Variants in NSD3 observed in about 807,000 individuals in gnomAD.
NSD3 encodes histone-lysine N-methyltransferase NSD3.
NSD3 carries 24 observed loss-of-function variants against 160.8 expected under a neutral mutation model. The observed-to-expected ratio is 0.15, with a 90% CI of 0.11 to 0.21. The LOEUF is 0.21. NSD3 is among the 10% of genes least tolerant of loss of function. The pLI, the probability that NSD3 is intolerant of heterozygous loss-of-function variation, is 1.00. For synonymous variants in NSD3, 520 were observed against 600.0 expected (o/e 0.87, Z 1.95); for missense variants, 1,157 against 1,735.9 (o/e 0.67, Z 5.93).
intron 3 of NSD3, 30 bp downstream of exon 3, chr8:38,338,506 G>C: frequency 6.4e-7 from 1 of 1,559,604 alleles, no homozygotes; most frequent in Non-Finnish European, 8.8e-7. Context: ...CACCATATTT[G>C]GTTAGACAGT....
At position 38,317,642 on chromosome 8, in the gene NSD3, G is replaced by A; in HGVS notation, c.1855+1253C>T. 1.7e-6 allele frequency: 2 copies of A among 1,192,288 alleles called. No homozygotes were observed. The highest frequency in any genetic ancestry group is 4.6e-5 in the South Asian group (2 of 43,330). The allele number at this position is 1,192,288 out of a possible 1,614,324, so 73.9% of individuals were successfully genotyped here. On this transcript the variant is annotated intron_variant, in intron 9 of 23. Transcript: ENST00000317025. This position sits in a 1 kb window ranked among gnomAD's most constrained non-coding sequence, Gnocchi z 5.3. Reference sequence around the variant, plus strand: ...CAAACCCCTGCAGATGTGCATTAATGATGCTTTATTTAAAAACAAAAAACC... The same window carrying A: ...CAAACCCCTGCAGATGTGCATTAATAATGCTTTATTTAAAAACAAAAAACC...
chr8:38,380,401 T>C (rs1811507321), intron 1 of NSD3, among the ~76,000 whole-genome samples: 1 of 152,172 alleles, frequency 6.6e-6, no homozygotes, highest in Non-Finnish European at 1.5e-5. Context: ...CCAAGTAAAA[T>C]AACCGATGCA....
At chr8:38,314,249 A>G (rs1809604260) in intron 12 of NSD3, among the ~76,000 whole-genome samples, 1 of 152,240 alleles carries the variant, frequency 6.6e-6, no homozygotes, top group Admixed American at 6.5e-5. Context: ...AATGATTTCC[A>G]GTAGCTCCAA....
intron 4 of NSD3, among the ~76,000 whole-genome samples, chr8:38,333,231 A>G (rs1427474021): frequency 6.6e-6 from 1 of 152,218 alleles, no homozygotes; most frequent in Non-Finnish European, 1.5e-5. Context: ...AGATAACACA[A>G]TTTCATTTTA....
At chr8:38,311,452 G>A (rs958448931) in intron 12 of NSD3, among the ~76,000 whole-genome samples, 72 of 151,982 alleles carry the variant, frequency 4.7e-4, no homozygotes, top group African/African-American at 1.7e-3. Flanking sequence ...TCAGCTTCCC[G>A]AGTAGCTGGA....
Position 38,316,957 on chromosome 8 carries a change from G to C in NSD3, c.1856-915C>G, listed in dbSNP as rs1443198707. The C allele has an allele frequency of 9.4e-7, 1 of 1,060,904 alleles. No homozygotes were observed. Among genetic ancestry groups the C allele is most frequent in the Non-Finnish European group, 1.1e-6 (1 of 876,440 alleles). The allele number at this position is 1,060,904 out of a possible 1,614,324, so 65.7% of individuals were successfully genotyped here. On this transcript the variant is annotated intron_variant, in intron 9 of 23. Transcript: ENST00000317025. This position sits in a 1 kb window ranked among gnomAD's most constrained non-coding sequence, Gnocchi z 4.5. ...CAGATCAGGCACGGTGAATACCAAG[G>C]AACCAAGGAGACGGTTAATATTTCA...
chr8:38,345,745 G>GAAA (rs773179138), intron 2 of NSD3, among the ~76,000 whole-genome samples: 1 of 136,716 alleles, frequency 7.3e-6, no homozygotes. Flanking sequence ...GTCTCTACTT[G>GAAA]AAAAAAAAAA....
intron 7 of NSD3, among the ~76,000 whole-genome samples, chr8:38,323,772 G>A (rs995855004): frequency 4.6e-5 from 6 of 131,854 alleles, no homozygotes; most frequent in African/African-American, 1.7e-4. Flanking sequence ...AGGTTACAGT[G>A]AACTAAGATC....
chr8:38,284,279 A>G (rs1808805166), intron 19 of NSD3, among the ~76,000 whole-genome samples: 1 of 152,252 alleles, frequency 6.6e-6, no homozygotes, highest in Admixed American at 6.5e-5. Context: ...GGACTTTGTT[A>G]TCAGCTGATG....
intron 5 of NSD3, among the ~76,000 whole-genome samples, chr8:38,330,360 G>T (rs886421703): frequency 6.6e-6 from 1 of 152,156 alleles, no homozygotes; most frequent in Admixed American, 6.5e-5. Context: ...CACAATGCAT[G>T]CAGGGACAGA....
At position 38,275,601 on chromosome 8, in the gene NSD3, G is replaced by A; in HGVS notation, c.*40C>T. 6.4e-7 allele frequency: 1 copy of A among 1,559,102 alleles called. No individual in the cohort carries two copies. Among genetic ancestry groups the A allele is most frequent in the African/African-American group, 1.4e-5 (1 of 73,638 alleles). On this transcript the variant is annotated 3_prime_UTR_variant, in exon 24 of 24. Coordinates refer to ENST00000317025, the MANE Select transcript of NSD3 (RefSeq NM_023034.2). ...TTCTTTTTAAATGCATGATCTATTT[G>A]CTTTTTTCACTTAAATAGAAAGGAG...
intron 1 of NSD3, among the ~76,000 whole-genome samples, chr8:38,372,881 T>C (rs1470674945): frequency 2.1e-5 from 3 of 144,954 alleles, no homozygotes; most frequent in Non-Finnish European, 3.0e-5. Context: ...CGAAACCCAG[T>C]CTCTACTAAA....
At chr8:38,372,678 G>A (rs1440105445) in intron 1 of NSD3, among the ~76,000 whole-genome samples, 3 of 150,676 alleles carry the variant, frequency 2.0e-5, no homozygotes, top group Non-Finnish European at 3.0e-5. Flanking sequence ...TGTAGTTTTA[G>A]TAGAGACGGG....
At chr8:38,307,128 AT>A (rs199569279) in intron 12 of NSD3, among the ~76,000 whole-genome samples, 5,887 of 142,186 alleles carry the variant, frequency 0.041, 147 homozygotes, top group Middle Eastern at 0.055. Context: ...AAAAAAAAAA[AT>A]AAAATAAAAT....
At chr8:38,323,862 G>A (rs1287953139) in intron 7 of NSD3, among the ~76,000 whole-genome samples, 8 of 150,766 alleles carry the variant, frequency 5.3e-5, no homozygotes, top group African/African-American at 7.3e-5. Context: ...ACTTTCAGAG[G>A]AGAAAGAAAA....
At chr8:38,344,140 G>A (rs1331036043) in intron 2 of NSD3, among the ~76,000 whole-genome samples, 2 of 152,194 alleles carry the variant, frequency 1.3e-5, no homozygotes, top group Non-Finnish European at 2.9e-5. Context: ...TCATTGCTGA[G>A]AAGATATACT....
rs1339641129 is a variant in NSD3, at chr8:38,341,232, CCTCT to C, written c.676-2629_676-2626del. ...TTTCAGATATGAAGGTCAGGAAAAG[CCTCT>C]CTAAGAAAATAAATTACAATCTGCC... On this transcript the variant is annotated intron_variant, in intron 2 of 23. Coordinates refer to ENST00000317025, the MANE Select transcript of NSD3 (RefSeq NM_023034.2). 2.6e-5 allele frequency among the ~76,000 whole-genome samples: 4 copies of C among 151,964 alleles called. No homozygotes were observed. The East Asian group carries it at 5.8e-4, about 22-fold the overall frequency.
At chr8:38,333,220 T>G (rs1810110041) in intron 4 of NSD3, among the ~76,000 whole-genome samples, 2 of 152,356 alleles carry the variant, frequency 1.3e-5, no homozygotes, top group Admixed American at 6.5e-5. Context: ...CCGAAATTTA[T>G]AGATAACACA....
rs200641537 is a variant in NSD3, at chr8:38,349,639, TTA to T, written c.-44-1426_-44-1425del. On this transcript the variant is annotated intron_variant, in intron 1 of 23. Coordinates refer to ENST00000317025, the MANE Select transcript of NSD3 (RefSeq NM_023034.2). ...CTTCTCTATAGTTGCCAGTATCTAC[TTA>T]TTTTTTTATTGTAATTTCTTTCTTT... Among the ~76,000 whole-genome samples the T allele has an allele frequency of 3.7e-3, 530 of 141,790 alleles. 2 individuals are homozygous for T. The highest frequency in any genetic ancestry group is 0.013 in the African/African-American group (515 of 38,250). The allele number at this position is 141,790 out of a possible 152,430, so 93.0% of individuals were successfully genotyped here.
Sources: gnomAD v4.1 joint callset for allele counts (sites outside exome capture counted in the v4.1 genomes callset) on GRCh38, gnomAD v4.1.1 for gene constraint, Gnocchi (gnomAD v3.1) non-coding constraint, MANE v1.5 for transcripts, NCBI Gene and HGNC (gene_info 2026-07-23, HGNC 2026-07-21) for gene names.